Variants in ZNF426 observed in about 807,000 individuals in gnomAD.
The protein encoded by ZNF426 is zinc finger protein 426.
Under a neutral mutation model 24.0 loss-of-function variants are expected in ZNF426, and 23 were observed. The observed-to-expected ratio is 0.96, with a 90% confidence interval of 0.69 to 1.36. The LOEUF (loss-of-function observed/expected upper bound fraction) is 1.36, where lower values mean the gene tolerates loss of function less well. Among genes scored for constraint, ZNF426 ranks in the 40% most tolerant of loss-of-function variants. ZNF426 has a pLI of 0.00. For synonymous variants in ZNF426, 272 were observed against 224.6 expected (o/e 1.21, Z -1.89); for missense variants, 646 against 658.4 (o/e 0.98, Z 0.21).
Position 9,529,358 on chromosome 19 carries a change from A to C in ZNF426, c.687T>G (p.Cys229Trp). 1 of 1,614,190 alleles carries C rather than the reference A, an allele frequency of 6.2e-7. No homozygotes were observed. The highest frequency in any genetic ancestry group is 8.5e-7 in the Non-Finnish European group (1 of 1,180,024). The change falls in exon 8 of 8, where the codon TGT becomes TGG. Residue 229 changes from cysteine to tryptophan, a missense_variant. Cys to Trp is a radical substitution (Grantham distance 215). Coordinates refer to ENST00000253115, the MANE Select transcript of ZNF426 (RefSeq NM_024106.3). ...ATGACTCATTAATGAAGGATTTTCC[A>C]CAGTGACTACATTCAAATGACTTTT... The part of the protein sequence containing the change: ...TQEKSFECSH[C>W]GKSFINESYL...
chr19:9,531,400 G>A (rs1020991624), intron 6 of ZNF426, among the ~76,000 whole-genome samples: 2 of 152,052 alleles, frequency 1.3e-5, no homozygotes, highest in Non-Finnish European at 2.9e-5. Flanking sequence ...ACAAATGAAA[G>A]GATTTGGAGA....
Position 9,528,988 on chromosome 19 carries a change from T to A in ZNF426, c.1057A>T (p.Met353Leu). 6.2e-7 allele frequency: 1 copy of A among 1,613,896 alleles called. No homozygotes were observed. Among genetic ancestry groups the A allele is most frequent in the East Asian group, 2.2e-5 (1 of 44,862 alleles). ...TCTCCACTGTGAGATCGTACATGCA[T>A]ACTAAGGCCCGAGTACTGAGTGAAG... ...KAFTQYSGLS[M>L]HVRSHSGDKP... The change falls in exon 8 of 8, where the codon ATG (methionine) becomes TTG (leucine). Residue 353 changes from methionine to leucine, a missense_variant. Transcript: ENST00000253115.
chr19:9,528,587 A>T lies in ZNF426; in HGVS notation c.1458T>A (p.Ser486Arg). 6.2e-7 allele frequency: 1 copy of T among 1,613,962 alleles called. No homozygotes were observed. Among genetic ancestry groups the T allele is most frequent in the Non-Finnish European group, 8.5e-7 (1 of 1,179,984 alleles). Residue 486 changes from serine (S) to arginine (R), a missense_variant, in exon 8 of 8, where the codon AGT (serine) becomes AGA (arginine). Coordinates refer to ENST00000253115, the MANE Select transcript of ZNF426 (RefSeq NM_024106.3). ...YECKQCGKAFSHSSSFQIHER... is the reference protein window; with the variant it reads ...YECKQCGKAFRHSSSFQIHER... Reference sequence around the variant, plus strand: ...CATGTATTTGAAATGAACTGGAATGACTGAAGGCCTTTCCACATTGTTTAC... The same window carrying T: ...CATGTATTTGAAATGAACTGGAATGTCTGAAGGCCTTTCCACATTGTTTAC...
rs2073825239 is a variant in ZNF426, at chr19:9,528,495, C to A, written c.1550G>T (p.Ser517Ile). The A allele has an allele frequency of 6.2e-7, 1 of 1,614,128 alleles. No homozygotes were observed. Among genetic ancestry groups the A allele is most frequent in the Non-Finnish European group, 8.5e-7 (1 of 1,180,016 alleles). Residue 517 changes from serine to isoleucine, a missense_variant, in exon 8 of 8, where the codon AGT becomes ATT. Coordinates refer to ENST00000253115, the MANE Select transcript of ZNF426 (RefSeq NM_024106.3). ...AGTTTTTTCATGAATTCTAAAGGAA[C>A]TGGAACACGTGAAGGCTTTCCCACA... ...KECGKAFTCS[S>I]SFRIHEKTHT...
chr19:9,530,308 A>G (rs572168535), intron 7 of ZNF426, among the ~76,000 whole-genome samples: 1 of 152,204 alleles, frequency 6.6e-6, no homozygotes, highest in African/African-American at 2.4e-5. Flanking sequence ...TCAAAAAATT[A>G]GCTGGGCATG....
intron 2 of ZNF426, 33 bp from the exon 3 acceptor site, chr19:9,536,389 A>G (rs1009599402): frequency 9.1e-6 from 14 of 1,536,644 alleles, no homozygotes; most frequent in African/African-American, 2.7e-5. Flanking sequence ...AACAAGCAGT[A>G]CTTAATCATC....
At chr19:9,536,164 G>A in intron 3 of ZNF426, 44 bp downstream of exon 3, 1 of 1,613,860 alleles carries the variant, frequency 6.2e-7, no homozygotes. Flanking sequence ...ATTGTGTAAA[G>A]GGAACCTAGA....
In ZNF426 at chr19:9,536,260, C is replaced by T. The variant is rs1395044223; in HGVS notation, c.-28G>A. ...CGCGAGGTGAGAACGTGTCAGAACC[C>T]TCCTTTCATTGATGTCACCATCACT... On this transcript the variant is annotated 5_prime_UTR_variant, in exon 3 of 8. Coordinates refer to ENST00000253115, the MANE Select transcript of ZNF426 (RefSeq NM_024106.3). 3 of 1,614,214 alleles carry T rather than the reference C, an allele frequency of 1.9e-6. No homozygotes were observed. Among genetic ancestry groups the T allele is most frequent in the Non-Finnish European group, 2.5e-6 (3 of 1,180,034 alleles).
intron 2 of ZNF426, chr19:9,536,689 G>T (rs1220377734): frequency 4.7e-6 from 1 of 211,608 alleles, no homozygotes. Flanking sequence ...GGCCTTGATT[G>T]GAAACACTCA....
In ZNF426 at chr19:9,536,238, GA is replaced by G. The variant is rs750626918; in HGVS notation, c.-7del. 2 of 1,614,094 alleles carry G rather than the reference GA, an allele frequency of 1.2e-6. No individual in the cohort carries two copies. Among genetic ancestry groups the G allele is most frequent in the East Asian group, 4.5e-5 (2 of 44,898 alleles). On this transcript the variant is annotated 5_prime_UTR_variant, in exon 3 of 8. Coordinates refer to ENST00000253115, the MANE Select transcript of ZNF426 (RefSeq NM_024106.3). The stretch of plus-strand genomic sequence containing the variant: ...GACAAATCAGCAGCTGCCATCCCGC[GA>G]GGTGAGAACGTGTCAGAACCCTCCT...
chr19:9,529,765 T>C (rs1568483501), intron 7 of ZNF426, 129 bp from the exon 8 acceptor site: 1 of 824,446 alleles, frequency 1.2e-6, no homozygotes, highest in East Asian at 2.6e-5. Flanking sequence ...ATTCAGGTCC[T>C]TCCCTGTAGA....
At chr19:9,532,284 T>C (rs545978261) in intron 6 of ZNF426, among the ~76,000 whole-genome samples, 15 of 146,800 alleles carry the variant, frequency 1.0e-4, no homozygotes, top group East Asian at 2.0e-4. Context: ...TTTTCTTTTT[T>C]TTTTTTTTTT....
Position 9,525,785 on chromosome 19 carries a change from C to G in ZNF426, c.*2595G>C, listed in dbSNP as rs530879917. On this transcript the variant is annotated 3_prime_UTR_variant, in exon 8 of 8. Coordinates refer to ENST00000253115, the MANE Select transcript of ZNF426 (RefSeq NM_024106.3). ...TACAGGGTTGAGCCACTGCGCCTAG[C>G]CTTTTATTTATTTATTTATTTTTTT... 2.6e-5 allele frequency: 4 copies of G among 151,052 alleles called. No individual in the cohort carries two copies. Among genetic ancestry groups the G allele is most frequent in the African/African-American group, 9.7e-5 (4 of 41,032 alleles). 9.4% of individuals were successfully genotyped at this position (151,052 alleles called of 1,614,324 possible).
At position 9,529,256 on chromosome 19, in the gene ZNF426, G is replaced by T. The variant is rs138112623; in HGVS notation, c.789C>A (p.Asp263Glu). Residue 263 changes from aspartate (D) to glutamate (E), a missense_variant, in exon 8 of 8, where the codon GAC becomes GAA. By Grantham distance (45) the Asp-to-Glu change is conservative. Transcript: ENST00000253115. ...CTATAAGCACAGAAAGGCTTGTAGA[G>T]TCAATAAAACCTGGCCCATAATTCC... Reference protein sequence around the residue: ...EWRNYGPGFIDSTSLSVLIET... With the variant: ...EWRNYGPGFIESTSLSVLIET... 1.9e-6 allele frequency: 3 copies of T among 1,613,646 alleles called. No homozygotes were observed. In the African/African-American group the frequency reaches 4.0e-5, roughly 22 times the overall value.
Position 9,533,735 on chromosome 19 carries a change from G to A in ZNF426, c.244+105C>T. ...TATTTAGGACAGGGACTATGTCTCT[G>A]TTATTTCTCTTTGCATTCAGAGTTG... On this transcript the variant is annotated intron_variant, in intron 5 of 7. Coordinates refer to ENST00000253115, the MANE Select transcript of ZNF426 (RefSeq NM_024106.3). 4 of 1,497,946 alleles carry A rather than the reference G, an allele frequency of 2.7e-6. No homozygotes were observed. In the Admixed American group the frequency reaches 5.5e-5, roughly 21 times the overall value. The allele number at this position is 1,497,946 out of a possible 1,614,324, so 92.8% of individuals were successfully genotyped here. A position where few individuals can be genotyped will look rare whatever the true frequency, so the allele number is the denominator to read the frequency against.
chr19:9,534,320 T>G (rs1026398631), intron 4 of ZNF426, among the ~76,000 whole-genome samples: 1 of 152,044 alleles, frequency 6.6e-6, no homozygotes, highest in African/African-American at 2.4e-5. Flanking sequence ...ACTCTCCTGC[T>G]TCAGCCTCCT....
chr19:9,532,930 GCA>G lies in ZNF426; in HGVS notation c.245-7_245-6del. 2 of 1,610,978 alleles carry G rather than the reference GCA, an allele frequency of 1.2e-6. No homozygotes were observed. Among genetic ancestry groups the G allele is most frequent in the Non-Finnish European group, 1.7e-6 (2 of 1,177,464 alleles). On this transcript the variant is annotated splice_region_variant and splice_polypyrimidine_tract_variant and intron_variant, in intron 5 of 7. Coordinates refer to ENST00000253115, the MANE Select transcript of ZNF426 (RefSeq NM_024106.3). ...TGGGTTTGATGATCTGACCTCCTGA[GCA>G]CAGAGAAATACATTAATGGAAGAGG... is the stretch of plus-strand genomic sequence containing the variant.
At position 9,535,307 on chromosome 19, in the gene ZNF426, C is replaced by T. The variant is rs527562422; in HGVS notation, c.26-28G>A. The T allele has an allele frequency of 1.0e-5, 16 of 1,561,714 alleles. No homozygotes were observed. The Admixed American group carries it at 1.9e-4, about 18-fold the overall frequency. On this transcript the variant is annotated intron_variant, in intron 3 of 7. Transcript: ENST00000253115. ...GTAAGAAAATGAAGGCAAGAGAACC[C>T]CGAGCTGACCATAATCCCCACATCC...
At chr19:9,531,268 C>T (rs1175309636) in intron 6 of ZNF426, among the ~76,000 whole-genome samples, 1 of 152,100 alleles carries the variant, frequency 6.6e-6, no homozygotes, top group Non-Finnish European at 1.5e-5. Flanking sequence ...ACCTGCAATC[C>T]CAGCTACTCA....
Sources: gnomAD v4.1 joint callset for allele counts (sites outside exome capture counted in the v4.1 genomes callset) on GRCh38, gnomAD v4.1.1 for gene constraint, MANE v1.5 for transcripts, NCBI Gene and HGNC (gene_info 2026-07-23, HGNC 2026-07-21) for gene names.